The following ELMO1 variants were observed in gnomAD, a reference collection of about 807,000 sequenced individuals.
ELMO1 encodes engulfment and cell motility protein 1.
A neutral mutation model predicts 98.9 loss-of-function variants in ELMO1; 26 were observed. The ratio of observed to expected loss-of-function variants is 0.26; its 90% CI spans 0.19 to 0.36. ELMO1 has a LOEUF of 0.36. Among genes scored for constraint, ELMO1 ranks in the 10% least tolerant of loss-of-function variants. The probability of loss-of-function intolerance (pLI) is 1.00; values close to 1 mark genes in which losing one functional copy is unlikely to be tolerated. For missense variants in ELMO1, 627 were observed against 935.2 expected, an observed-to-expected ratio of 0.67 and a Z score of 4.30; for synonymous variants, 346 against 346.0, an observed-to-expected ratio of 1.00 and a Z score of 0.00.
chr7:37,414,027 A>T (rs1269889706), intron 1 of ELMO1, among the ~76,000 whole-genome samples: 1 of 149,254 alleles, frequency 6.7e-6, no homozygotes, highest in Non-Finnish European at 1.5e-5. Flanking sequence ...CAAAGTGAAA[A>T]GGTATATGAC....
chr7:37,094,042 G>C (rs1393665291), intron 15 of ELMO1, among the ~76,000 whole-genome samples: 5 of 152,144 alleles, frequency 3.3e-5, no homozygotes, highest in Non-Finnish European at 5.9e-5. Context: ...GAACTCCTTC[G>C]GGGACAAGGA....
intron 6 of ELMO1, among the ~76,000 whole-genome samples, chr7:37,257,663 C>T (rs1330857423): frequency 7.0e-6 from 1 of 142,262 alleles, no homozygotes; most frequent in East Asian, 2.1e-4. Flanking sequence ...GTCAGGAGTT[C>T]AAGACCAGCC....
At chr7:37,277,981 C>T (rs1000361791) in intron 4 of ELMO1, among the ~76,000 whole-genome samples, 1 of 152,182 alleles carries the variant, frequency 6.6e-6, no homozygotes, top group African/African-American at 2.4e-5. Context: ...CTTTGAATCC[C>T]TTGCCTCAAA....
intron 13 of ELMO1, among the ~76,000 whole-genome samples, chr7:37,206,242 AAC>A (rs1792610449): frequency 4.6e-5 from 7 of 152,254 alleles, no homozygotes; most frequent in Admixed American, 4.6e-4. Flanking sequence ...TAATCTACAC[AAC>A]ACACATATTG....
At chr7:37,165,956 C>A (rs1398183278) in intron 13 of ELMO1, among the ~76,000 whole-genome samples, 1 of 152,158 alleles carries the variant, frequency 6.6e-6, no homozygotes, top group Non-Finnish European at 1.5e-5. Flanking sequence ...GGCTGTGAAT[C>A]CATCTGGTCC....
chr7:37,440,948 G>C (rs1805392168), intron 1 of ELMO1, among the ~76,000 whole-genome samples: 1 of 151,922 alleles, frequency 6.6e-6, no homozygotes, highest in Non-Finnish European at 1.5e-5. Context: ...CTTTCTGAGG[G>C]CCAAGGGTAA....
At chr7:37,157,504 G>T (rs536962606) in intron 13 of ELMO1, among the ~76,000 whole-genome samples, 16 of 152,230 alleles carry the variant, frequency 1.1e-4, no homozygotes, top group African/African-American at 3.9e-4. Flanking sequence ...AAAATCACAA[G>T]CATTCCTATG....
intron 7 of ELMO1, among the ~76,000 whole-genome samples, chr7:37,241,387 T>C (rs887401474): frequency 1.3e-5 from 2 of 152,132 alleles, no homozygotes; most frequent in African/African-American, 4.8e-5. Flanking sequence ...AACGTACATG[T>C]GCCCTTGTCT....
At chr7:37,343,412 C>T (rs1300098531) in intron 1 of ELMO1, among the ~76,000 whole-genome samples, 1 of 151,714 alleles carries the variant, frequency 6.6e-6, no homozygotes, top group African/African-American at 2.4e-5. Flanking sequence ...TGAATTCTCA[C>T]TTGAATGAAT....
intron 15 of ELMO1, among the ~76,000 whole-genome samples, chr7:37,038,210 C>T (rs1795301761): frequency 6.6e-6 from 1 of 152,154 alleles, no homozygotes. Context: ...TCACCCTCCC[C>T]ATCCCATTGG....
chr7:37,383,249 C>G (rs1802649558), intron 1 of ELMO1, among the ~76,000 whole-genome samples: 1 of 152,206 alleles, frequency 6.6e-6, no homozygotes, highest in African/African-American at 2.4e-5. Context: ...TGTCTTTAAT[C>G]TCCTTTAGTT....
At chr7:37,238,300 TA>T (rs1794585066) in intron 7 of ELMO1, among the ~76,000 whole-genome samples, 3 of 152,216 alleles carry the variant, frequency 2.0e-5, no homozygotes, top group Non-Finnish European at 4.4e-5. Flanking sequence ...AATAAAGATT[TA>T]TTTCTACAAA....
chr7:37,286,944 C>G (rs1797421234), intron 4 of ELMO1, among the ~76,000 whole-genome samples: 1 of 152,062 alleles, frequency 6.6e-6, no homozygotes, highest in Non-Finnish European at 1.5e-5. Context: ...CCTCTAATCC[C>G]AGCACTTTGG....
At chr7:37,188,357 G>T (rs993268213) in intron 13 of ELMO1, among the ~76,000 whole-genome samples, 4 of 150,878 alleles carry the variant, frequency 2.7e-5, no homozygotes, top group Admixed American at 2.6e-4. Context: ...GTACCTTACA[G>T]TGTTTATTCA....
At chr7:36,896,049 C>T (rs769010784) in intron 16 of ELMO1, among the ~76,000 whole-genome samples, 7 of 152,174 alleles carry the variant, frequency 4.6e-5, no homozygotes, top group Non-Finnish European at 1.0e-4. Context: ...ATTGTAAACA[C>T]CCGACTATGC....
At chr7:37,251,536 G>A (rs917532178) in intron 6 of ELMO1, among the ~76,000 whole-genome samples, 1 of 152,104 alleles carries the variant, frequency 6.6e-6, no homozygotes, top group Non-Finnish European at 1.5e-5. Context: ...CTCACCATTT[G>A]CTTGCCTGCA....
chr7:37,163,803 T>A (rs1372680548), intron 13 of ELMO1, among the ~76,000 whole-genome samples: 1 of 152,218 alleles, frequency 6.6e-6, no homozygotes, highest in East Asian at 1.9e-4. Flanking sequence ...AACATACGTG[T>A]GCATGTGTCT....
intron 16 of ELMO1, among the ~76,000 whole-genome samples, chr7:36,937,360 G>A (rs10278181): frequency 0.016 from 2,486 of 152,292 alleles, 73 homozygotes; most frequent in African/African-American, 0.057. Flanking sequence ...AGCTGCAAGC[G>A]AGGAAATGCC....
chr7:36,941,891 T>G (rs1213282116), intron 16 of ELMO1, among the ~76,000 whole-genome samples: 1 of 152,250 alleles, frequency 6.6e-6, no homozygotes, highest in Non-Finnish European at 1.5e-5. Context: ...TAAATCAATT[T>G]GCCTCAGATC....
Sources: gnomAD v4.1 joint callset for allele counts (sites outside exome capture counted in the v4.1 genomes callset) on GRCh38, gnomAD v4.1.1 for gene constraint, MANE v1.5 for transcripts, NCBI Gene and HGNC (gene_info 2026-07-23, HGNC 2026-07-21) for gene names.